Variants in B9D1 observed in about 807,000 individuals in gnomAD.
B9D1 encodes the protein B9 domain-containing protein 1.
A neutral mutation model predicts 26.1 loss-of-function variants in B9D1; 20 were observed. The ratio of observed to expected loss-of-function variants is 0.77; its 90% confidence interval spans 0.54 to 1.12. The LOEUF is 1.12. B9D1 is among the 50% of genes most tolerant of loss of function. The pLI, the probability that B9D1 is intolerant of heterozygous loss-of-function variation, is 0.00. For synonymous variants in B9D1, 105 were observed against 103.1 expected, an observed-to-expected ratio of 1.02 and a Z score of -0.11; for missense variants, 260 against 273.7, an observed-to-expected ratio of 0.95 and a Z score of 0.35.
At chr17:19,358,344 T>G (rs1401419644) in intron 2 of B9D1, among the ~76,000 whole-genome samples, 2 of 152,180 alleles carry the variant, frequency 1.3e-5, no homozygotes, top group African/African-American at 4.8e-5. Flanking sequence ...TAGTCCTCTT[T>G]CAACTCTGCG....
chr17:19,344,001 A>G, intron 5 of B9D1, 144 bp from the exon 6 acceptor site: 1 of 1,295,326 alleles, frequency 7.7e-7, no homozygotes, highest in Non-Finnish European at 1.1e-6. Flanking sequence ...GTCAGGCCCT[A>G]AGCAGAGCCT....
Position 19,372,674 on chromosome 17 carries a change from C to T in B9D1, c.-298+5185G>A, listed in dbSNP as rs1285544553. Among the ~76,000 whole-genome samples, 3 of 152,206 alleles carry T rather than the reference C, an allele frequency of 2.0e-5. No individual in the cohort carries two copies. Among genetic ancestry groups the T allele is most frequent in the Non-Finnish European group, 4.4e-5 (3 of 68,024 alleles). ...AAAGCTGGGACTTGTGCTCATGGCT[C>T]TGACCCCAGCACACAGCACAGACAA... On this transcript the variant is annotated intron_variant, in intron 1 of 5. Transcript: ENST00000477478. This position sits in a 1 kb window ranked among gnomAD's most constrained non-coding sequence, Gnocchi z 4.4.
rs1009255022 is a variant in B9D1 at position 19,350,037 on chromosome 17, G to A, written c.245-2157C>T. Among the ~76,000 whole-genome samples the A allele has an allele frequency of 2.6e-5, 4 of 151,960 alleles. No homozygotes were observed. In the South Asian group the frequency reaches 6.2e-4, roughly 24 times the overall value. On this transcript the variant is annotated intron_variant, in intron 3 of 6. Coordinates refer to ENST00000261499, the MANE Select transcript of B9D1 (RefSeq NM_015681.6). ...TGAGGCAGGAGAATGGCGTGAACCC[G>A]GGAGGCGGAGCTTGCAGTGAGCTGA...
At position 19,370,292 on chromosome 17, in the gene B9D1, C is replaced by T. The variant is rs972502962; in HGVS notation, c.-298+7567G>A. ...CTCAGGGTGCACACGGGGGAGATGT[C>T]GTAGGACAACTGGGTGTTGGATCTG... On this transcript the variant is annotated intron_variant, in intron 1 of 5. Coordinates refer to the B9D1 transcript ENST00000477478. The surrounding 1 kb of genome is among the most constrained non-coding windows in gnomAD (Gnocchi z 5.1). Among the ~76,000 whole-genome samples, 5 of 152,164 alleles carry T rather than the reference C, an allele frequency of 3.3e-5. No homozygotes were observed. The highest frequency in any genetic ancestry group is 4.8e-5 in the African/African-American group (2 of 41,426).
downstream of B9D1, among the ~76,000 whole-genome samples, chr17:19,339,154 A>G (rs4924986): frequency 0.18 from 26,995 of 152,156 alleles, 3,093 homozygotes; most frequent in East Asian, 0.6. Flanking sequence ...GCTGAAAGCA[A>G]TTTTGAATCT....
chr17:19,337,608 G>T, downstream of B9D1: 1 of 1,024,190 alleles, frequency 9.8e-7, no homozygotes, highest in Non-Finnish European at 1.5e-6. Flanking sequence ...TGTGTGGGAT[G>T]CTCTTGGTTA....
downstream of B9D1, chr17:19,342,954 G>T: frequency 2.1e-6 from 1 of 476,738 alleles, no homozygotes; most frequent in Non-Finnish European, 3.1e-6. Context: ...ATGTGTTGCG[G>T]TATAGAAAAG....
intron 3 of B9D1, among the ~76,000 whole-genome samples, chr17:19,349,055 G>T (rs1334121480): frequency 6.6e-6 from 1 of 152,150 alleles, no homozygotes; most frequent in Admixed American, 6.5e-5. Flanking sequence ...CAGGGCCCAT[G>T]TATGTTCCCT....
intron 5 of B9D1, among the ~76,000 whole-genome samples, chr17:19,346,059 G>A (rs984896357): frequency 2.0e-5 from 3 of 152,236 alleles, no homozygotes; most frequent in Non-Finnish European, 2.9e-5. Flanking sequence ...TGTGGGCGGT[G>A]GAACAGGGTG....
chr17:19,362,613 G>A lies in B9D1; in HGVS notation c.-44C>T, dbSNP rs144159985. 5 of 1,573,784 alleles carry A rather than the reference G, an allele frequency of 3.2e-6. No homozygotes were observed. Among genetic ancestry groups the A allele is most frequent in the Non-Finnish European group, 4.3e-6 (5 of 1,159,050 alleles). ...GGGGGGACCCACCTAGGCCGCGCGC[G>A]GTTGCTAAGAGACGCCGGCGTTGCC... On this transcript the variant is annotated 5_prime_UTR_variant, in exon 1 of 7. Transcript: ENST00000261499.
At chr17:19,354,814 C>A in intron 3 of B9D1, among the ~76,000 whole-genome samples, 1 of 152,084 alleles carries the variant, frequency 6.6e-6, no homozygotes. Context: ...GGTGACAGAG[C>A]AAGACTCCGT....
intron 3 of B9D1, among the ~76,000 whole-genome samples, chr17:19,348,306 A>G (rs1909134482): frequency 6.6e-6 from 1 of 152,138 alleles, no homozygotes; most frequent in Non-Finnish European, 1.5e-5. Flanking sequence ...GGGGGTGTCT[A>G]GAAGTCAGAG....
intron 1 of B9D1, among the ~76,000 whole-genome samples, chr17:19,374,408 A>G (rs1392512985): frequency 6.6e-6 from 1 of 152,226 alleles, no homozygotes; most frequent in East Asian, 1.9e-4. Context: ...AAGCTTTTAA[A>G]AAGCACCGTG....
chr17:19,346,105 T>A (rs2152258271), intron 5 of B9D1, among the ~76,000 whole-genome samples: 1 of 152,278 alleles, frequency 6.6e-6, no homozygotes, highest in African/African-American at 2.4e-5. Context: ...GGGTCCCCAG[T>A]CTCTTAGGCT....
chr17:19,367,459 C>T (rs1447744570), upstream of B9D1, among the ~76,000 whole-genome samples: 1 of 151,934 alleles, frequency 6.6e-6, no homozygotes, highest in East Asian at 1.9e-4. Flanking sequence ...TTATTGGTGC[C>T]TGCCACCATG....
chr17:19,354,902 G>T (rs1910126609), intron 3 of B9D1, among the ~76,000 whole-genome samples: 1 of 152,132 alleles, frequency 6.6e-6, no homozygotes, highest in Non-Finnish European at 1.5e-5. Flanking sequence ...CCTAGGGGTG[G>T]GTTTCTTCCA....
At chr17:19,350,459 C>A (rs1909450324) in intron 3 of B9D1, among the ~76,000 whole-genome samples, 1 of 151,912 alleles carries the variant, frequency 6.6e-6, no homozygotes, top group Admixed American at 6.6e-5. Flanking sequence ...GGCAGAATTG[C>A]TTGAACCCAG....
intron 1 of B9D1, 46 bp downstream of exon 1, chr17:19,362,460 CG>C: frequency 6.8e-7 from 1 of 1,468,040 alleles, no homozygotes; most frequent in Non-Finnish European, 9.2e-7. Context: ...GGAAGGGCCC[CG>C]GGGGACGCTG....
chr17:19,370,025 A>G lies in B9D1; in HGVS notation c.-298+7834T>C, dbSNP rs907373171. The stretch of plus-strand genomic sequence containing the variant: ...GAGGAAACTGGGCAGGGAGCACACC[A>G]CTGATGGGTGAAATGATGATCTCAC... On this transcript the variant is annotated intron_variant, in intron 1 of 5. Coordinates refer to the B9D1 transcript ENST00000477478. This position sits in a 1 kb window ranked among gnomAD's most constrained non-coding sequence, Gnocchi z 5.1. Among the ~76,000 whole-genome samples, 5 of 152,126 alleles carry G rather than the reference A, an allele frequency of 3.3e-5. No individual in the cohort carries two copies. Among genetic ancestry groups the G allele is most frequent in the Non-Finnish European group, 1.5e-5 (1 of 68,028 alleles).
Sources: allele counts gnomAD v4.1 joint callset (sites outside exome capture counted in the v4.1 genomes callset), GRCh38; gene constraint gnomAD v4.1.1; non-coding constraint Gnocchi (gnomAD v3.1); transcripts MANE v1.5; gene names NCBI Gene and HGNC (gene_info 2026-07-23, HGNC 2026-07-21).